The following CCDC88A variants were observed in gnomAD, a reference collection of about 807,000 sequenced individuals.
The protein encoded by CCDC88A is girdin.
Under a neutral mutation model 234.3 loss-of-function variants are expected in CCDC88A, and 54 were observed. The ratio of observed to expected loss-of-function variants is 0.23; its 90% CI spans 0.19 to 0.29. The LOEUF (loss-of-function observed/expected upper bound fraction) is 0.29, where lower values mean the gene tolerates loss of function less well. Ranked by LOEUF, CCDC88A falls within the 10% of genes least tolerant of loss-of-function variation. CCDC88A has a pLI of 1.00. For synonymous variants in CCDC88A, 753 were observed against 737.8 expected, an observed-to-expected ratio of 1.02 and a Z score of -0.33; for missense variants, 1,832 against 2,123.4, an observed-to-expected ratio of 0.86 and a Z score of 2.70.
intron 2 of CCDC88A, among the ~76,000 whole-genome samples, chr2:55,389,180 TTTCCTTTGAA>T (rs1676184666): frequency 6.6e-6 from 1 of 152,232 alleles, no homozygotes; most frequent in African/African-American, 2.4e-5. Context: ...TAACTTACTA[TTTCCTTTGAA>T]TATATAGTTC....
At chr2:55,372,534 GACA>G in intron 4 of CCDC88A, 24 bp from the exon 5 acceptor site, 1 of 1,097,262 alleles carries the variant, frequency 9.1e-7, no homozygotes. Flanking sequence ...AATTATTAAG[GACA>G]ACATTCTGCT....
At chr2:55,333,593 G>C (rs1685174487) in intron 15 of CCDC88A, among the ~76,000 whole-genome samples, 3 of 152,002 alleles carry the variant, frequency 2.0e-5, no homozygotes, top group Admixed American at 1.3e-4. Context: ...CTGAACCTCA[G>C]TTTTCTCATC....
At chr2:55,386,074 T>C (rs6752182) in intron 3 of CCDC88A, among the ~76,000 whole-genome samples, 45,821 of 150,002 alleles carry the variant, frequency 0.31, 7,353 homozygotes, top group East Asian at 0.55. Flanking sequence ...AATACAAAAA[T>C]GAGCCGGGCG....
intron 2 of CCDC88A, among the ~76,000 whole-genome samples, chr2:55,395,352 T>C (rs909843904): frequency 6.6e-6 from 1 of 152,186 alleles, no homozygotes; most frequent in Non-Finnish European, 1.5e-5. Flanking sequence ...AGTTACACTG[T>C]TACATCATCC....
chr2:55,409,321 TC>T (rs1680084673), intron 2 of CCDC88A, among the ~76,000 whole-genome samples: 1 of 152,202 alleles, frequency 6.6e-6, no homozygotes, highest in Non-Finnish European at 1.5e-5. Context: ...TGACTCCTGT[TC>T]ACTCTGATTT....
At chr2:55,410,864 G>T (rs4672039) in intron 2 of CCDC88A, among the ~76,000 whole-genome samples, 1 of 151,384 alleles carries the variant, frequency 6.6e-6, no homozygotes, top group Non-Finnish European at 1.5e-5. Flanking sequence ...CTGCATTCCA[G>T]TCTCGGCAAG....
intron 17 of CCDC88A, 199 bp from the exon 18 acceptor site, chr2:55,322,891 G>A (rs972193715): frequency 1.6e-5 from 6 of 378,808 alleles, no homozygotes; most frequent in Non-Finnish European, 2.3e-5. Flanking sequence ...CTCTACTTAT[G>A]TGCCAGAGTA....
chr2:55,369,864 C>T lies in CCDC88A; in HGVS notation c.402+2588G>A, dbSNP rs143910689. 1.3e-4 allele frequency among the ~76,000 whole-genome samples: 20 copies of T among 152,242 alleles called. No individual in the cohort carries two copies. In the East Asian group the frequency reaches 2.3e-3, roughly 18 times the overall value. On this transcript the variant is annotated intron_variant, in intron 5 of 32. Coordinates refer to ENST00000436346, the MANE Select transcript of CCDC88A (RefSeq NM_001365480.1). ...CAATGCACCAATGTATATTACATTACGGTAATTATCACCTCAAACTCGTAC... is the reference window on the plus strand; with the variant it reads ...CAATGCACCAATGTATATTACATTATGGTAATTATCACCTCAAACTCGTAC...
At chr2:55,407,707 C>A (rs968401294) in intron 2 of CCDC88A, among the ~76,000 whole-genome samples, 5 of 150,796 alleles carry the variant, frequency 3.3e-5, no homozygotes, top group Non-Finnish European at 7.4e-5. Flanking sequence ...CATTGCCCAG[C>A]TTTCTAGTTT....
chr2:55,339,405 T>G (rs1558697582), intron 13 of CCDC88A, 59 bp downstream of exon 13: 2 of 695,842 alleles, frequency 2.9e-6, no homozygotes, highest in Non-Finnish European at 1.9e-6. Flanking sequence ...AAATGGGCTA[T>G]TTATTTACAC....
chr2:55,300,031 C>T (rs1055210085), intron 28 of CCDC88A, 112 bp from the exon 29 acceptor site: 2 of 738,768 alleles, frequency 2.7e-6, no homozygotes, highest in South Asian at 3.1e-5. Context: ...CATACTTTCA[C>T]AAGATGAGCA....
chr2:55,397,854 T>C (rs571737067), intron 2 of CCDC88A, among the ~76,000 whole-genome samples: 1 of 152,168 alleles, frequency 6.6e-6, no homozygotes, highest in Non-Finnish European at 1.5e-5. Flanking sequence ...TCAAAATCTT[T>C]TAAGAATTTT....
intron 3 of CCDC88A, among the ~76,000 whole-genome samples, chr2:55,384,648 TACATA>T (rs1675282535): frequency 6.3e-5 from 2 of 31,768 alleles, no homozygotes; most frequent in African/African-American, 7.1e-4. Flanking sequence ...TGTGTATATA[TACATA>T]TATATATATA....
In CCDC88A at chr2:55,299,864, A is replaced by G; in HGVS notation, c.4800T>C (p.Asn1600=). 1 of 1,613,200 alleles carries G rather than the reference A, an allele frequency of 6.2e-7. No homozygotes were observed. The highest frequency in any genetic ancestry group is 1.1e-5 in the South Asian group (1 of 91,062). ...SGRTSTSNSN[N]NASLHEVKAG... is the part of the protein sequence containing the mutation. ...CTTTGACTTCATGTAGTGAAGCATT[A>G]TTATTGCTATTGCTAGTGGATGTTC... Residue 1600 remains asparagine, a synonymous_variant, in exon 29 of 33, where the codon AAT becomes AAC. Coordinates refer to ENST00000436346, the MANE Select transcript of CCDC88A (RefSeq NM_001365480.1).
In CCDC88A at chr2:55,334,519, G is replaced by A. The variant is rs1287395476; in HGVS notation, c.2302C>T (p.Leu768=). 1 of 1,609,982 alleles carries A rather than the reference G, an allele frequency of 6.2e-7. No homozygotes were observed. The highest frequency in any genetic ancestry group is 8.5e-7 in the Non-Finnish European group (1 of 1,179,046). ...TTGCTGTTCTCTAAAGTTTTTTGCAGTCTTTGATTTTCTATATCTAAACCC... is the reference window on the plus strand; with the variant it reads ...TTGCTGTTCTCTAAAGTTTTTTGCAATCTTTGATTTTCTATATCTAAACCC... ...YQGLDIENQR[L]QKTLENSNKK... The change falls in exon 15 of 33, where the codon CTG becomes TTG. Residue 768 remains leucine (L), a synonymous_variant. Transcript: ENST00000436346. The surrounding 1 kb of genome is among the most constrained non-coding windows in gnomAD (Gnocchi z 6.1).
Position 55,336,704 on chromosome 2 carries a change from G to A in CCDC88A, c.1633C>T (p.Leu545=). The change falls in exon 14 of 33, where the codon CTG becomes TTG. Residue 545 remains leucine, a synonymous_variant. Transcript: ENST00000436346. ...ACCTGTCTCTCTGAATTTTCTCTCA[G>A]TGTTTCTATTGTTTTTTCAAGCTGA... The part of the protein sequence containing the change: ...KAQLEKTIET[L]RENSERQIKI... 2 of 1,583,726 alleles carry A rather than the reference G, an allele frequency of 1.3e-6. No individual in the cohort carries two copies. Among genetic ancestry groups the A allele is most frequent in the South Asian group, 2.4e-5 (2 of 84,892 alleles).
At position 55,317,343 on chromosome 2, in the gene CCDC88A, A is replaced by T; in HGVS notation, c.3609T>A (p.Asn1203Lys). The T allele has an allele frequency of 6.7e-7, 1 of 1,484,224 alleles. No homozygotes were observed. The highest frequency in any genetic ancestry group is 9.0e-7 in the Non-Finnish European group (1 of 1,113,428). 91.9% of individuals were successfully genotyped at this position (1,484,224 alleles called of 1,614,324 possible). Residue 1203 changes from asparagine (N) to lysine (K), a missense_variant, in exon 21 of 33, where the codon AAT (asparagine) becomes AAA (lysine). Around this residue, in one of 6 missense-constraint regions of CCDC88A, gnomAD observed 1,282 missense variants for 1,543.6 expected, o/e 0.83. Transcript: ENST00000436346. This position sits in a 1 kb window ranked among gnomAD's most constrained non-coding sequence, Gnocchi z 4.2. ...VEHRDLEDRY[N>K]QLLKQKGQLE... ...ACTGTCCTTTCTGTTTTAATAACTG[A>T]TTGTAACTGGGGGGAAAAAAGGCAT...
chr2:55,388,211 G>C (rs1439505371), intron 3 of CCDC88A, among the ~76,000 whole-genome samples: 1 of 151,938 alleles, frequency 6.6e-6, no homozygotes, highest in Non-Finnish European at 1.5e-5. Flanking sequence ...AAAATCAAAA[G>C]CAAAAAGGTT....
At chr2:55,393,001 C>T (rs565707997) in intron 2 of CCDC88A, among the ~76,000 whole-genome samples, 5 of 151,962 alleles carry the variant, frequency 3.3e-5, no homozygotes, top group Non-Finnish European at 1.5e-5. Context: ...CTTCATTAAT[C>T]GAACATAGTG....
Sources: gnomAD v4.1 joint callset for allele counts (sites outside exome capture counted in the v4.1 genomes callset) on GRCh38, gnomAD v4.1.1 for gene constraint, gnomAD v4.1.1 regional missense constraint, Gnocchi (gnomAD v3.1) non-coding constraint, MANE v1.5 for transcripts, NCBI Gene and HGNC (gene_info 2026-07-23, HGNC 2026-07-21) for gene names.